The following FAM228B variants were observed in gnomAD, a reference collection of about 807,000 sequenced individuals.
The protein encoded by FAM228B is family with sequence similarity 228 member B.
A neutral mutation model predicts 42.6 loss-of-function variants in FAM228B; 38 were observed. The ratio of observed to expected loss-of-function variants is 0.89; its 90% CI spans 0.69 to 1.17. The LOEUF (loss-of-function observed/expected upper bound fraction) is 1.17. FAM228B is among the 50% of genes most tolerant of loss of function. FAM228B has a pLI of 0.00. For missense variants in FAM228B, 344 were observed against 367.3 expected (o/e 0.94, Z 0.52); for synonymous variants, 109 against 122.3 (o/e 0.89, Z 0.72).
intron 3 of FAM228B, among the ~76,000 whole-genome samples, chr2:24,100,112 T>A (rs1665575999): frequency 6.7e-6 from 1 of 149,870 alleles, no homozygotes; most frequent in Non-Finnish European, 1.5e-5. Context: ...TTATAAAAAA[T>A]TAATTCAAGA....
intron 7 of FAM228B, among the ~76,000 whole-genome samples, chr2:24,157,905 T>G (rs78052151): frequency 0.024 from 3,667 of 152,240 alleles, 61 homozygotes; most frequent in East Asian, 0.075. Context: ...ATTCAGAAAC[T>G]GAACTAAGGT....
intron 2 of FAM228B, among the ~76,000 whole-genome samples, chr2:24,132,105 T>C (rs1666468094): frequency 6.6e-6 from 1 of 152,206 alleles, no homozygotes; most frequent in Non-Finnish European, 1.5e-5. Flanking sequence ...TTTTTGTCAT[T>C]GATTCTGTTT....
intron 3 of FAM228B, among the ~76,000 whole-genome samples, chr2:24,117,354 C>A (rs1665953583): frequency 6.6e-6 from 1 of 151,984 alleles, no homozygotes; most frequent in South Asian, 2.1e-4. Flanking sequence ...GCATCCTTTT[C>A]CTGTCTATTT....
chr2:24,151,534 C>T (rs149911529), intron 7 of FAM228B, among the ~76,000 whole-genome samples: 5,505 of 151,748 alleles, frequency 0.036, 149 homozygotes, highest in Non-Finnish European at 0.053. Flanking sequence ...TCAGGTGATC[C>T]ACCCGCCTTG....
upstream of FAM228B, among the ~76,000 whole-genome samples, chr2:24,120,247 C>T (rs569507192): frequency 2.3e-4 from 35 of 150,234 alleles, no homozygotes; most frequent in African/African-American, 7.1e-4. Flanking sequence ...CCAGCCTGGG[C>T]GACAAAAGTG....
chr2:24,128,212 A>G (rs1436893720), intron 2 of FAM228B, among the ~76,000 whole-genome samples: 2 of 152,024 alleles, frequency 1.3e-5, no homozygotes, highest in East Asian at 3.9e-4. Context: ...TGTCCCTAGA[A>G]GTTTTATCTG....
Position 24,077,328 on chromosome 2 carries a change from C to G in FAM228B, c.-290+359C>G, listed in dbSNP as rs1664793261. On this transcript the variant is annotated intron_variant, in intron 1 of 10. Transcript: ENST00000613899. The surrounding 1 kb of genome is among the most constrained non-coding windows in gnomAD (Gnocchi z 5.5). ...CAGAATCTCCGTCCCTGGAGGGGCCCTCAGGTTGAGCGTCAGCTGATCGGG... is the reference window on the plus strand; with the variant it reads ...CAGAATCTCCGTCCCTGGAGGGGCCGTCAGGTTGAGCGTCAGCTGATCGGG... 2.7e-6 allele frequency: 1 copy of G among 371,242 alleles called. No individual in the cohort carries two copies. The allele number at this position is 371,242 out of a possible 1,614,324, so 23.0% of individuals were successfully genotyped here.
chr2:24,121,308 G>A (rs943131655), upstream of FAM228B: 2 of 1,613,894 alleles, frequency 1.2e-6, no homozygotes, highest in South Asian at 2.2e-5. Context: ...TACCTGGAGA[G>A]GTTACATGGT....
chr2:24,139,509 C>G, intron 5 of FAM228B, 59 bp downstream of exon 5: 1 of 997,024 alleles, frequency 1.0e-6, no homozygotes, highest in Non-Finnish European at 1.5e-6. Flanking sequence ...TTTGAGCAGC[C>G]CTAATATATG....
chr2:24,111,000 C>T (rs1189669469), intron 3 of FAM228B, among the ~76,000 whole-genome samples: 3 of 152,040 alleles, frequency 2.0e-5, no homozygotes, highest in African/African-American at 7.2e-5. Flanking sequence ...GCTCATAAAC[C>T]CTCCCACTTT....
chr2:24,152,855 G>T (rs1214705576), intron 7 of FAM228B, among the ~76,000 whole-genome samples: 1 of 152,132 alleles, frequency 6.6e-6, no homozygotes, highest in African/African-American at 2.4e-5. Flanking sequence ...AACCTTAGCA[G>T]TTTACCTGAT....
In FAM228B at chr2:24,135,496, C is replaced by A. The variant is rs1052323360; in HGVS notation, c.168+309C>A. Among the ~76,000 whole-genome samples the A allele has an allele frequency of 2.0e-5, 3 of 152,314 alleles. No individual in the cohort carries two copies. The East Asian group carries it at 5.8e-4, about 29-fold the overall frequency. ...TAACCCTTAAGAGCTGTTAGCAGAA[C>A]ACACTGACTAATTATTACTCAGATA... On this transcript the variant is annotated intron_variant, in intron 3 of 10. Transcript: ENST00000615575.
chr2:24,078,075 C>T (rs1454755382), intron 1 of FAM228B, among the ~76,000 whole-genome samples: 1 of 152,116 alleles, frequency 6.6e-6, no homozygotes. Flanking sequence ...GGGGTACCCT[C>T]CCCATACTAG....
intron 2 of FAM228B, among the ~76,000 whole-genome samples, chr2:24,089,983 A>AG (rs1416660573): frequency 6.7e-6 from 1 of 149,652 alleles, no homozygotes; most frequent in Non-Finnish European, 1.5e-5. Context: ...AAAGAAAAAA[A>AG]AAAAAAAACG....
At chr2:24,102,545 C>T (rs963309936) in intron 3 of FAM228B, among the ~76,000 whole-genome samples, 2 of 152,152 alleles carry the variant, frequency 1.3e-5, no homozygotes, top group African/African-American at 4.8e-5. Context: ...TAAGACCAGT[C>T]TGGCTAACAT....
At chr2:24,127,877 G>C (rs895023257) in intron 2 of FAM228B, among the ~76,000 whole-genome samples, 1 of 152,160 alleles carries the variant, frequency 6.6e-6, no homozygotes, top group Non-Finnish European at 1.5e-5. Context: ...TGGCCAAGCT[G>C]ATCTTGAACT....
intron 7 of FAM228B, among the ~76,000 whole-genome samples, chr2:24,153,247 T>G (rs1410583163): frequency 6.6e-6 from 1 of 152,164 alleles, no homozygotes; most frequent in Non-Finnish European, 1.5e-5. Context: ...TTCCTCTGTT[T>G]TTCTCAAACA....
At chr2:24,158,290 TC>T (rs761096619) in intron 7 of FAM228B, among the ~76,000 whole-genome samples, 14 of 147,326 alleles carry the variant, frequency 9.5e-5, no homozygotes, top group Non-Finnish European at 1.6e-4. Context: ...GGTGGTCACC[TC>T]CTGTTTACAC....
At chr2:24,081,690 G>GT (rs36028901) in intron 2 of FAM228B, among the ~76,000 whole-genome samples, 4,225 of 137,312 alleles carry the variant, frequency 0.031, 76 homozygotes, top group Non-Finnish European at 0.038. Flanking sequence ...CCTTGATACT[G>GT]TTTTTTTTTT....
Sources: gnomAD v4.1 joint callset for allele counts (sites outside exome capture counted in the v4.1 genomes callset) on GRCh38, gnomAD v4.1.1 for gene constraint, Gnocchi (gnomAD v3.1) non-coding constraint, MANE v1.5 for transcripts, NCBI Gene and HGNC (gene_info 2026-07-23, HGNC 2026-07-21) for gene names.